The following GRIK2 variants were observed in gnomAD, a reference collection of about 807,000 sequenced individuals.
GRIK2 encodes the protein glutamate ionotropic receptor kainate type subunit 2.
GRIK2 carries 32 observed loss-of-function variants against 100.3 expected under a neutral mutation model. The observed-to-expected ratio is 0.32, with a 90% confidence interval of 0.24 to 0.43. The LOEUF (loss-of-function observed/expected upper bound fraction) is 0.43, where lower values mean the gene tolerates loss of function less well. GRIK2 is among the 20% of genes least tolerant of loss of function. The pLI is 1.00. For synonymous variants in GRIK2, 417 were observed against 389.4 expected (o/e 1.07, Z -0.83); for missense variants, 843 against 1,114.9 (o/e 0.76, Z 3.47).
intron 2 of GRIK2, among the ~76,000 whole-genome samples, chr6:101,415,982 C>T (rs117716874): frequency 0.016 from 2,388 of 151,910 alleles, 36 homozygotes; most frequent in Middle Eastern, 0.051. Context: ...CTAATAAGTG[C>T]TAGCATAACC....
intron 4 of GRIK2, among the ~76,000 whole-genome samples, chr6:101,671,596 T>G (rs1461157029): frequency 2.0e-5 from 3 of 152,268 alleles, no homozygotes; most frequent in East Asian, 3.9e-4. Flanking sequence ...CTGGGCACGG[T>G]GGCTCACGAC....
At chr6:101,988,116 TGTGTGTGTGTGTGTGTGCGC>T (rs1379255281) in intron 14 of GRIK2, among the ~76,000 whole-genome samples, 1 of 45,252 alleles carries the variant, frequency 2.2e-5, no homozygotes, top group Non-Finnish European at 4.2e-5. Flanking sequence ...TGTGTGTGTG[TGTGTGTGTGTGTGTGTGCGC>T]GCGCGCGCGC....
chr6:101,633,309 G>A (rs1475781731), intron 4 of GRIK2, among the ~76,000 whole-genome samples: 2 of 152,140 alleles, frequency 1.3e-5, no homozygotes, highest in African/African-American at 4.8e-5. Context: ...AGGGCCATCT[G>A]TCAGCCTAGA....
At chr6:102,064,582 A>C (rs2114534225) in intron 16 of GRIK2, among the ~76,000 whole-genome samples, 1 of 151,112 alleles carries the variant, frequency 6.6e-6, no homozygotes, top group South Asian at 2.1e-4. Flanking sequence ...AAAAAGATTT[A>C]AAATAAATTT....
At chr6:101,531,063 G>T (rs1453200264) in intron 2 of GRIK2, among the ~76,000 whole-genome samples, 1 of 151,948 alleles carries the variant, frequency 6.6e-6, no homozygotes, top group Non-Finnish European at 1.5e-5. Flanking sequence ...CAAAACTGAG[G>T]TTAAGCAATT....
At chr6:102,050,467 C>T (rs774740108) in intron 15 of GRIK2, among the ~76,000 whole-genome samples, 3 of 151,940 alleles carry the variant, frequency 2.0e-5, no homozygotes, top group Middle Eastern at 3.4e-3. Context: ...TCCTGGCCAA[C>T]GTGATGAAAC....
intron 7 of GRIK2, among the ~76,000 whole-genome samples, chr6:101,711,863 A>AT (rs1043639068): frequency 2.6e-5 from 4 of 151,730 alleles, no homozygotes; most frequent in Admixed American, 2.6e-4. Flanking sequence ...AGTAAATAAC[A>AT]TTTTTTTCCT....
chr6:101,530,105 G>A (rs1400266464), intron 2 of GRIK2, among the ~76,000 whole-genome samples: 1 of 152,034 alleles, frequency 6.6e-6, no homozygotes, highest in African/African-American at 2.4e-5. Flanking sequence ...TCTATATACA[G>A]TGGAATATGT....
chr6:101,694,308 G>A (rs924700310), intron 7 of GRIK2, among the ~76,000 whole-genome samples: 2 of 152,018 alleles, frequency 1.3e-5, no homozygotes, highest in Admixed American at 6.6e-5. Context: ...CACTGGGGTC[G>A]GCACTCAGAT....
At chr6:102,001,609 A>G (rs1230011277) in intron 14 of GRIK2, among the ~76,000 whole-genome samples, 1 of 151,934 alleles carries the variant, frequency 6.6e-6, no homozygotes, top group Non-Finnish European at 1.5e-5. Context: ...TCTATCATTG[A>G]TGGGCATTTG....
chr6:101,746,970 T>G (rs1362547454), intron 7 of GRIK2, among the ~76,000 whole-genome samples: 2 of 152,236 alleles, frequency 1.3e-5, no homozygotes, highest in African/African-American at 4.8e-5. Context: ...TATATTTTTA[T>G]AACCCTTGTT....
intron 15 of GRIK2, among the ~76,000 whole-genome samples, chr6:102,044,435 G>GACTT (rs570450653): frequency 3.9e-4 from 59 of 152,144 alleles, no homozygotes; most frequent in Admixed American, 9.8e-4. Flanking sequence ...GGTTTAATTG[G>GACTT]ACTTACATTT....
chr6:101,682,637 A>G, intron 6 of GRIK2, 31 bp downstream of exon 6: 1 of 898,936 alleles, frequency 1.1e-6, no homozygotes, highest in Non-Finnish European at 1.8e-6. Context: ...AAATGTTCTG[A>G]ATTTTATTAT....
At chr6:101,432,107 C>G (rs561421833) in intron 2 of GRIK2, among the ~76,000 whole-genome samples, 4 of 146,132 alleles carry the variant, frequency 2.7e-5, no homozygotes, top group Non-Finnish European at 4.4e-5. Flanking sequence ...TTAGACCCTG[C>G]CCTGCTCCCT....
chr6:101,878,606 G>C (rs982906935), intron 11 of GRIK2, among the ~76,000 whole-genome samples: 1 of 151,904 alleles, frequency 6.6e-6, no homozygotes, highest in African/African-American at 2.4e-5. Context: ...AACTCTCTCT[G>C]TATTTTTATT....
chr6:101,620,207 G>C (rs1477863100), intron 2 of GRIK2: 1 of 887,220 alleles, frequency 1.1e-6, no homozygotes, highest in Non-Finnish European at 1.4e-6. Flanking sequence ...TATATATAAG[G>C]GTAGAGAGTA....
At chr6:101,506,784 A>C (rs1292575753) in intron 2 of GRIK2, among the ~76,000 whole-genome samples, 1 of 152,142 alleles carries the variant, frequency 6.6e-6, no homozygotes, top group Non-Finnish European at 1.5e-5. Context: ...GAATTGGGTA[A>C]AGATTTGAGG....
At chr6:101,761,409 T>C (rs942307550) in intron 7 of GRIK2, among the ~76,000 whole-genome samples, 3 of 152,142 alleles carry the variant, frequency 2.0e-5, no homozygotes, top group African/African-American at 7.2e-5. Flanking sequence ...TAAAGGCAAA[T>C]ATAACTGACT....
chr6:101,683,574 G>T (rs538022733), intron 6 of GRIK2, among the ~76,000 whole-genome samples: 1 of 151,942 alleles, frequency 6.6e-6, no homozygotes, highest in Admixed American at 6.6e-5. Context: ...TCTTCCACAT[G>T]TCCCAAATAT....
Sources: gnomAD v4.1 joint callset for allele counts (sites outside exome capture counted in the v4.1 genomes callset) on GRCh38, gnomAD v4.1.1 for gene constraint, MANE v1.5 for transcripts, NCBI Gene and HGNC (gene_info 2026-07-23, HGNC 2026-07-21) for gene names.